CFAP61: variants seen among roughly 807,000 people sequenced by gnomAD.
CFAP61 encodes the protein cilia- and flagella-associated protein 61.
CFAP61 carries 107 observed loss-of-function variants against 135.6 expected under a neutral mutation model. The observed-to-expected ratio is 0.79, with a 90% CI of 0.67 to 0.93. The LOEUF (loss-of-function observed/expected upper bound fraction) is 0.93, where lower values mean the gene tolerates loss of function less well. CFAP61 is among the 40% of genes least tolerant of loss of function. The pLI, the probability that CFAP61 is intolerant of heterozygous loss-of-function variation, is 0.00. For missense variants in CFAP61, 1,507 were observed against 1,556.2 expected (o/e 0.97, Z 0.53); for synonymous variants, 575 against 578.5 (o/e 0.99, Z 0.09).
At chr20:20,184,335 G>A (rs2146858651) in intron 13 of CFAP61, among the ~76,000 whole-genome samples, 1 of 152,334 alleles carries the variant, frequency 6.6e-6, no homozygotes, top group Admixed American at 6.5e-5. Flanking sequence ...CATCTACCAT[G>A]TGCCAGGCAT....
At chr20:20,126,840 C>G (rs1235826850) in intron 8 of CFAP61, among the ~76,000 whole-genome samples, 1 of 151,860 alleles carries the variant, frequency 6.6e-6, no homozygotes, top group Non-Finnish European at 1.5e-5. Context: ...TCTTCTTCCT[C>G]AGGAATACTG....
intron 8 of CFAP61, among the ~76,000 whole-genome samples, chr20:20,132,014 G>C (rs1262354696): frequency 6.6e-6 from 1 of 151,978 alleles, no homozygotes; most frequent in Non-Finnish European, 1.5e-5. Flanking sequence ...TTGTACAGCA[G>C]ATCTCTAGAA....
At chr20:20,357,905 T>G (rs1310009937) in intron 26 of CFAP61, among the ~76,000 whole-genome samples, 4 of 97,524 alleles carry the variant, frequency 4.1e-5, no homozygotes, top group African/African-American at 4.4e-5. Context: ...TGAGGGGAGG[T>G]GGTCACACTG....
intron 2 of CFAP61, among the ~76,000 whole-genome samples, chr20:20,061,010 A>C (rs189013129): frequency 1.1e-3 from 161 of 152,332 alleles, no homozygotes; most frequent in Admixed American, 2.0e-3. Flanking sequence ...AGTTCAACCC[A>C]GGCAGCCCAC....
intron 26 of CFAP61, among the ~76,000 whole-genome samples, chr20:20,353,698 A>G (rs765988076): frequency 1.3e-5 from 2 of 152,230 alleles, no homozygotes; most frequent in African/African-American, 2.4e-5. Flanking sequence ...CCAGGAAGCT[A>G]CGAGGACTTA....
intron 26 of CFAP61, among the ~76,000 whole-genome samples, chr20:20,346,254 T>C (rs1449689508): frequency 6.9e-6 from 1 of 144,914 alleles, no homozygotes; most frequent in Admixed American, 6.8e-5. Context: ...CTGTGGCTTA[T>C]GCCTGTAATC....
At chr20:20,242,606 T>C (rs1569180853) in intron 18 of CFAP61, among the ~76,000 whole-genome samples, 1 of 152,238 alleles carries the variant, frequency 6.6e-6, no homozygotes, top group Non-Finnish European at 1.5e-5. Context: ...AACCTTGATT[T>C]TCTTACCTAT....
intron 9 of CFAP61, among the ~76,000 whole-genome samples, chr20:20,143,442 GGATTA>G (rs2051586936): frequency 6.6e-6 from 1 of 152,128 alleles, no homozygotes; most frequent in Admixed American, 6.5e-5. Flanking sequence ...TATGTGGCAT[GGATTA>G]GATTGATGGA....
chr20:20,213,642 A>T (rs546753153), intron 17 of CFAP61, among the ~76,000 whole-genome samples: 1 of 152,212 alleles, frequency 6.6e-6, no homozygotes, highest in Non-Finnish European at 1.5e-5. Flanking sequence ...ATTCTTTTTA[A>T]TATGCTCAAG....
chr20:20,288,599 C>A lies in CFAP61; in HGVS notation c.2797-10C>A. On this transcript the variant is annotated splice_polypyrimidine_tract_variant and intron_variant, in intron 22 of 26. Transcript: ENST00000245957. ...ATAACTGAATATTGCTGTAATTGTT[C>A]ACTTCGTAGATGTTCTTCAGCTTCT... is the stretch of plus-strand genomic sequence containing the variant. The A allele has an allele frequency of 6.2e-7, 1 of 1,601,448 alleles. No homozygotes were observed. Among genetic ancestry groups the A allele is most frequent in the South Asian group, 1.1e-5 (1 of 90,494 alleles).
At chr20:20,171,179 G>T (rs2054192239) in intron 13 of CFAP61, among the ~76,000 whole-genome samples, 4 of 152,172 alleles carry the variant, frequency 2.6e-5, no homozygotes, top group African/African-American at 9.7e-5. Context: ...GTTGTGAAGT[G>T]TTCACAGGTA....
At chr20:20,322,089 C>T (rs990480424) in intron 25 of CFAP61, among the ~76,000 whole-genome samples, 3 of 152,162 alleles carry the variant, frequency 2.0e-5, no homozygotes, top group Non-Finnish European at 4.4e-5. Context: ...CCAGCTGAGC[C>T]AAGCCTTCAA....
At position 20,228,365 on chromosome 20, in the gene CFAP61, A is replaced by G. The variant is rs6106209; in HGVS notation, c.2049A>G (p.Thr683=). ...ASSVGISFLE[T]LVFCSHMKFN... is the part of the protein sequence containing the mutation. The stretch of plus-strand genomic sequence containing the variant: ...GTGTTGGAATTTCCTTCCTAGAGAC[A>G]TTGGTATTTTGGTGAGTTGTTTCAC... The change falls in exon 18 of 27, where the codon ACA becomes ACG. Residue 683 remains threonine (T), a synonymous_variant. Coordinates refer to ENST00000245957, the MANE Select transcript of CFAP61 (RefSeq NM_015585.4). 5.6e-4 allele frequency: 897 copies of G among 1,607,066 alleles called. 3 individuals carry two copies. In the African/African-American group the frequency reaches 8.7e-3, roughly 16 times the overall value.
chr20:20,350,292 G>C (rs1044697856), intron 26 of CFAP61, among the ~76,000 whole-genome samples: 1 of 152,204 alleles, frequency 6.6e-6, no homozygotes, highest in Non-Finnish European at 1.5e-5. Context: ...GTTACACACA[G>C]AATTACCATA....
chr20:20,322,750 T>C, intron 25 of CFAP61: 10 of 985,302 alleles, frequency 1.0e-5, no homozygotes, highest in East Asian at 1.1e-4. Context: ...AAGAGATCAT[T>C]AGAGGGTCCT....
At chr20:20,082,155 T>G (rs1182064197) in intron 6 of CFAP61, among the ~76,000 whole-genome samples, 3 of 152,232 alleles carry the variant, frequency 2.0e-5, no homozygotes, top group African/African-American at 7.2e-5. Context: ...GTTGCCTCCT[T>G]TCTCTTATTT....
At chr20:20,349,062 A>G (rs1003315339) in intron 26 of CFAP61, among the ~76,000 whole-genome samples, 1 of 152,268 alleles carries the variant, frequency 6.6e-6, no homozygotes, top group African/African-American at 2.4e-5. Flanking sequence ...AACTATCTCC[A>G]TTCTCAGGTG....
chr20:20,224,978 A>G lies in CFAP61; in HGVS notation c.1933-3271A>G, dbSNP rs148749299. Among the ~76,000 whole-genome samples the G allele has an allele frequency of 4.3e-3, 660 of 152,348 alleles. 2 individuals carry two copies. The highest frequency in any genetic ancestry group is 0.014 in the Middle Eastern group (4 of 294). On this transcript the variant is annotated intron_variant, in intron 17 of 26. Transcript: ENST00000245957. ...AGACCCAAAACAGAATCTCCAATGC[A>G]TGGGACATTTTTTGGCAGATGTTCA...
chr20:20,258,786 C>T (rs931120023), intron 20 of CFAP61, among the ~76,000 whole-genome samples: 6 of 152,160 alleles, frequency 3.9e-5, no homozygotes, highest in African/African-American at 7.2e-5. Flanking sequence ...ATGTTTACCG[C>T]GAGACAGACA....
Sources: gnomAD v4.1 joint callset for allele counts (sites outside exome capture counted in the v4.1 genomes callset) on GRCh38, gnomAD v4.1.1 for gene constraint, MANE v1.5 for transcripts, NCBI Gene and HGNC (gene_info 2026-07-23, HGNC 2026-07-21) for gene names.